Variants in ABLIM1 observed in about 807,000 individuals in gnomAD.
The protein encoded by ABLIM1 is actin-binding LIM protein 1.
ABLIM1 carries 40 observed loss-of-function variants against 107.0 expected under a neutral mutation model. The observed-to-expected ratio is 0.37, with a 90% CI of 0.29 to 0.49. The LOEUF (loss-of-function observed/expected upper bound fraction) is 0.49, where lower values mean the gene tolerates loss of function less well. ABLIM1 is among the 20% of genes least tolerant of loss of function. The pLI is 0.97. For missense variants in ABLIM1, 857 were observed against 1,008.5 expected (o/e 0.85, Z 2.04); for synonymous variants, 357 against 357.3 (o/e 1.00, Z 0.01).
intron 1 of ABLIM1, among the ~76,000 whole-genome samples, chr10:114,724,314 G>A (rs576911393): frequency 1.3e-5 from 2 of 152,254 alleles, no homozygotes; most frequent in East Asian, 1.9e-4. Flanking sequence ...TGGCCACTGC[G>A]AGGATCAAGA....
At chr10:114,717,697 G>A (rs566557935) in intron 1 of ABLIM1, among the ~76,000 whole-genome samples, 115 of 152,084 alleles carry the variant, frequency 7.6e-4, no homozygotes, top group African/African-American at 2.6e-3. Context: ...GGTGGATCAC[G>A]TGAGCCCAGG....
In ABLIM1 at chr10:114,527,845, T is replaced by G. The variant is rs560685265; in HGVS notation, c.894+17160A>C. ...ATGCCTGGCTAATTTTTAAAGTTTT[T>G]TTTTTTTTTTGAGACGGAGTCTCGC... On this transcript the variant is annotated intron_variant, in intron 6 of 22. Coordinates refer to ENST00000533213, the MANE Select transcript of ABLIM1 (RefSeq NM_002313.7). Among the ~76,000 whole-genome samples the G allele has an allele frequency of 1.9e-3, 278 of 149,860 alleles. 3 individuals are homozygous for G. Among genetic ancestry groups the G allele is most frequent in the African/African-American group, 6.6e-3 (269 of 40,782 alleles).
At chr10:114,682,584 G>A (rs961377831) in intron 1 of ABLIM1, among the ~76,000 whole-genome samples, 8 of 152,092 alleles carry the variant, frequency 5.3e-5, no homozygotes, top group African/African-American at 1.9e-4. Context: ...AACATAAGGT[G>A]TGCCTGTTTT....
chr10:114,754,421 C>G (rs2082586232), intron 1 of ABLIM1, among the ~76,000 whole-genome samples: 1 of 152,178 alleles, frequency 6.6e-6, no homozygotes, highest in African/African-American at 2.4e-5. Context: ...AATATTTGGT[C>G]CCTGGCTTCA....
chr10:114,746,536 G>T (rs1211674666), intron 1 of ABLIM1, among the ~76,000 whole-genome samples: 2 of 152,178 alleles, frequency 1.3e-5, no homozygotes, highest in African/African-American at 4.8e-5. Flanking sequence ...GAATAGTGCA[G>T]CAATGATCAT....
intron 8 of ABLIM1, among the ~76,000 whole-genome samples, chr10:114,476,495 T>C (rs111566181): frequency 0.016 from 2,414 of 151,618 alleles, 57 homozygotes; most frequent in African/African-American, 0.055. Context: ...TACAATAAAA[T>C]TAACTGGGTG....
chr10:114,607,271 A>G (rs1049645756), intron 1 of ABLIM1, among the ~76,000 whole-genome samples: 19 of 152,242 alleles, frequency 1.2e-4, no homozygotes, highest in African/African-American at 4.6e-4. Flanking sequence ...CATGTTGGCC[A>G]GGATGGTCTC....
chr10:114,672,629 T>C (rs2141412651), intron 1 of ABLIM1, among the ~76,000 whole-genome samples: 1 of 152,358 alleles, frequency 6.6e-6, no homozygotes, highest in Middle Eastern at 3.4e-3. Flanking sequence ...CTAATGTTAA[T>C]GTAATTCAAT....
In ABLIM1 at chr10:114,439,237, C is replaced by A. The variant is rs139367133; in HGVS notation, c.2081G>T (p.Gly694Val). The A allele has an allele frequency of 1.7e-4, 281 of 1,614,068 alleles. No homozygotes were observed. Among genetic ancestry groups the A allele is most frequent in the Admixed American group, 4.0e-4 (24 of 60,008 alleles). The part of the protein sequence containing the change: ...GVRDYQTLPD[G>V]HMPAMRMDRG... ...GTCCATTCTCATTGCAGGCATGTGGCCATCTGGGAGTGTCTGCAACAGAAA... is the reference window on the plus strand; with the variant it reads ...GTCCATTCTCATTGCAGGCATGTGGACATCTGGGAGTGTCTGCAACAGAAA... The change falls in exon 21 of 23, where the codon GGC (glycine) becomes GTC (valine). Residue 694 changes from glycine (G) to valine (V), a missense_variant. This residue lies in a region of ABLIM1 where 193 missense variants were observed against 208.5 expected (regional missense o/e 0.93). Transcript: ENST00000533213.
chr10:114,615,375 C>T (rs11196805), intron 1 of ABLIM1, among the ~76,000 whole-genome samples: 12,237 of 152,192 alleles, frequency 0.08, 937 homozygotes, highest in East Asian at 0.43. Context: ...CCAGCTCCCT[C>T]TCCTCCTTCT....
the ABLIM1 span, among the ~76,000 whole-genome samples, chr10:114,787,557 G>A: frequency 1.4e-3 from 202 of 145,984 alleles, 2 homozygotes; most frequent in Non-Finnish European, 1.3e-3. Context: ...CGCCCGGCCA[G>A]CCACCCCGTC....
chr10:114,642,731 G>C (rs1241500722), intron 1 of ABLIM1, among the ~76,000 whole-genome samples: 1 of 152,142 alleles, frequency 6.6e-6, no homozygotes. Context: ...ACAGAATGCT[G>C]ACTCCAAGTC....
At chr10:114,764,686 G>T (rs1159230933) in intron 1 of ABLIM1, 1 of 152,134 alleles carries the variant, frequency 6.6e-6, no homozygotes, top group Non-Finnish European at 1.5e-5. Context: ...ACCAACCAGG[G>T]ACATTTAATT....
the ABLIM1 span, among the ~76,000 whole-genome samples, chr10:114,781,104 T>C: frequency 2.0e-5 from 3 of 152,182 alleles, no homozygotes; most frequent in South Asian, 4.1e-4. Context: ...CTTTAATGGT[T>C]TTAAAATTTG....
intron 4 of ABLIM1, among the ~76,000 whole-genome samples, chr10:114,567,722 C>CT (rs1454662330): frequency 6.6e-6 from 1 of 152,202 alleles, no homozygotes; most frequent in African/African-American, 2.4e-5. Context: ...TCTTCCCCTC[C>CT]TATTTAGAGA....
intron 1 of ABLIM1, among the ~76,000 whole-genome samples, chr10:114,608,366 A>AAAAT (rs1222450621): frequency 6.6e-6 from 1 of 151,986 alleles, no homozygotes; most frequent in African/African-American, 2.4e-5. Context: ...GTCTGTCACC[A>AAAAT]AAATAAATAA....
chr10:114,663,798 C>T (rs544805728), intron 1 of ABLIM1, among the ~76,000 whole-genome samples: 13 of 152,246 alleles, frequency 8.5e-5, no homozygotes, highest in African/African-American at 2.2e-4. Context: ...AATAGCTGAG[C>T]GTAGAACCAG....
chr10:114,530,027 CA>C (rs1252779832), intron 6 of ABLIM1, among the ~76,000 whole-genome samples: 36 of 152,150 alleles, frequency 2.4e-4, no homozygotes, highest in African/African-American at 8.4e-4. Context: ...AACCCCATCT[CA>C]AAAAATAATA....
chr10:114,595,249 A>C (rs899468691), intron 2 of ABLIM1: 1 of 152,224 alleles, frequency 6.6e-6, no homozygotes, highest in Non-Finnish European at 1.5e-5. Flanking sequence ...TATAACATGT[A>C]TACTTAAAAT....
Sources: allele counts gnomAD v4.1 joint callset (sites outside exome capture counted in the v4.1 genomes callset), GRCh38; gene constraint gnomAD v4.1.1; regional missense constraint gnomAD v4.1.1; transcripts MANE v1.5; gene names NCBI Gene and HGNC (gene_info 2026-07-23, HGNC 2026-07-21).